TRMT11: variants seen among roughly 807,000 people sequenced by gnomAD.
The protein encoded by TRMT11 is tRNA methyltransferase 11, also known as tRNA (guanine(10)-N(2))-methyltransferase TRMT11.
In TRMT11, 53 loss-of-function variants were observed where a neutral mutation model predicts 62.8. That is an observed-to-expected ratio of 0.84 (90% CI 0.68 to 1.06). The LOEUF (loss-of-function observed/expected upper bound fraction) is 1.06, where lower values mean the gene tolerates loss of function less well. Ranked by LOEUF, TRMT11 falls within the 50% of genes least tolerant of loss-of-function variation. The pLI is 0.00. For synonymous variants in TRMT11, 188 were observed against 190.3 expected, an observed-to-expected ratio of 0.99 and a Z score of 0.10; for missense variants, 556 against 553.4, an observed-to-expected ratio of 1.00 and a Z score of -0.05.
At chr6:126,256,966 A>T in the TRMT11 span, among the ~76,000 whole-genome samples, 1 of 150,830 alleles carries the variant, frequency 6.6e-6, no homozygotes. Flanking sequence ...GTTCACTGCA[A>T]CCTCCACCTC....
chr6:126,096,997 G>A (rs1311910074), intron 17 of TRMT11, among the ~76,000 whole-genome samples: 2 of 152,114 alleles, frequency 1.3e-5, no homozygotes, highest in African/African-American at 4.8e-5. Context: ...TCAATGGCTG[G>A]AATCATTTGT....
chr6:126,270,896 T>C, the TRMT11 span, among the ~76,000 whole-genome samples: 1 of 152,254 alleles, frequency 6.6e-6, no homozygotes, highest in Admixed American at 6.5e-5. Flanking sequence ...AAGCACATCA[T>C]GTGTTCTTAC....
intron 1 of TRMT11, among the ~76,000 whole-genome samples, chr6:125,988,776 G>A (rs1420915604): frequency 6.6e-6 from 1 of 152,220 alleles, no homozygotes; most frequent in Non-Finnish European, 1.5e-5. Context: ...TCGTATATCT[G>A]TAATCATGCT....
chr6:126,199,189 A>C (rs1778707309), intron 2 of TRMT11, among the ~76,000 whole-genome samples: 1 of 152,202 alleles, frequency 6.6e-6, no homozygotes, highest in African/African-American at 2.4e-5. Flanking sequence ...CCAACAAAGG[A>C]CTTGAGGGAC....
chr6:126,047,947 T>G (rs1273946238), intron 16 of TRMT11, among the ~76,000 whole-genome samples: 2 of 152,198 alleles, frequency 1.3e-5, no homozygotes, highest in East Asian at 3.9e-4. Flanking sequence ...CAACTAGCCT[T>G]GCTTGTCATA....
chr6:126,125,912 C>T (rs892167999), intron 21 of TRMT11, among the ~76,000 whole-genome samples: 11 of 152,050 alleles, frequency 7.2e-5, no homozygotes, highest in Admixed American at 3.3e-4. Context: ...CTTCTTTCTC[C>T]GAAACACACA....
At chr6:126,151,777 CCCTTTTCCTTCCTT>C (rs1254001195) in intron 21 of TRMT11, among the ~76,000 whole-genome samples, 1 of 118,234 alleles carries the variant, frequency 8.5e-6, no homozygotes, top group Non-Finnish European at 1.7e-5. Context: ...CTTCCTTTCA[CCCTTTTCCTTCCTT>C]CCTTCCTCTC....
chr6:126,128,672 A>G (rs1023215437), intron 21 of TRMT11, among the ~76,000 whole-genome samples: 3 of 152,082 alleles, frequency 2.0e-5, no homozygotes, highest in Non-Finnish European at 4.4e-5. Flanking sequence ...GTGATTCTCA[A>G]TAGACGTTTG....
chr6:126,012,237 C>A (rs1456098028), intron 9 of TRMT11, among the ~76,000 whole-genome samples: 1 of 152,086 alleles, frequency 6.6e-6, no homozygotes, highest in Admixed American at 6.5e-5. Context: ...TGCTCTCCCA[C>A]TCTGTGTTTA....
At chr6:126,244,917 C>G in the TRMT11 span, among the ~76,000 whole-genome samples, 1 of 152,142 alleles carries the variant, frequency 6.6e-6, no homozygotes, top group Admixed American at 6.6e-5. Flanking sequence ...CTTTTTATGA[C>G]TTCTCAAAAA....
At chr6:126,152,517 G>A (rs1158770450) in intron 21 of TRMT11, among the ~76,000 whole-genome samples, 2 of 152,146 alleles carry the variant, frequency 1.3e-5, no homozygotes, top group Non-Finnish European at 2.9e-5. Flanking sequence ...AATTGCAGAT[G>A]ATCATTACTA....
In TRMT11 at chr6:126,196,790, C is replaced by A. The variant is rs1050447931; in HGVS notation, n.144-2009C>A. On this transcript the variant is annotated intron_variant and non_coding_transcript_variant, in intron 1 of 3. Coordinates refer to the TRMT11 transcript ENST00000444229. The stretch of plus-strand genomic sequence containing the variant: ...ACCTTTTAAGTTTCATTTAAAAATT[C>A]ATGACAATGGGCATAAAACTGTAAT... 1.8e-4 allele frequency among the ~76,000 whole-genome samples: 28 copies of A among 152,108 alleles called. 1 individual carries two copies. The East Asian group carries it at 1.9e-3, about 10-fold the overall frequency.
intron 21 of TRMT11, among the ~76,000 whole-genome samples, chr6:126,166,940 C>T (rs1280931584): frequency 6.6e-6 from 1 of 152,130 alleles, no homozygotes; most frequent in African/African-American, 2.4e-5. Flanking sequence ...ACTCAAGCCT[C>T]AATAATGACC....
In TRMT11 at chr6:126,151,905, CTCTT is replaced by C. The variant is rs66890632; in HGVS notation, c.*1824-22882_*1824-22879del. Among the ~76,000 whole-genome samples the C allele has an allele frequency of 5.3e-3, 428 of 80,426 alleles. 20 individuals are homozygous for C. Among genetic ancestry groups the C allele is most frequent in the South Asian group, 0.044 (76 of 1,712 alleles). The allele number at this position is 80,426 out of a possible 152,430, so 52.8% of individuals were successfully genotyped here. ...CCTTCCTTGTCTTTTTCTTTCTTTT[CTCTT>C]TCTTTCTTTCTTTCTTTCTTTCTTT... On this transcript the variant is annotated intron_variant and NMD_transcript_variant, in intron 21 of 22. Coordinates refer to the TRMT11 transcript ENST00000648977.
At chr6:126,053,952 G>A (rs530286686) in intron 17 of TRMT11, among the ~76,000 whole-genome samples, 11 of 152,150 alleles carry the variant, frequency 7.2e-5, no homozygotes, top group Non-Finnish European at 1.0e-4. Context: ...CACTGGAAAA[G>A]CATATTTGGG....
At chr6:126,250,859 T>G in the TRMT11 span, among the ~76,000 whole-genome samples, 1 of 152,196 alleles carries the variant, frequency 6.6e-6, no homozygotes, top group Non-Finnish European at 1.5e-5. Flanking sequence ...TTAGCCGTTA[T>G]GACAAATATG....
rs556736072 is a variant in TRMT11, at chr6:126,017,354, T to C, written c.1140-3806T>C. Among the ~76,000 whole-genome samples, 37 of 152,342 alleles carry C rather than the reference T, an allele frequency of 2.4e-4. 1 individual carries two copies. In the South Asian group the frequency reaches 6.8e-3, roughly 28 times the overall value. Reference sequence around the variant, plus strand: ...AGTATAAGACATAAAAGCAAAATACTGCGTAAAAGCTTAGTTGTATATGGA... The same window carrying C: ...AGTATAAGACATAAAAGCAAAATACCGCGTAAAAGCTTAGTTGTATATGGA... On this transcript the variant is annotated intron_variant, in intron 11 of 12. Coordinates refer to ENST00000334379, the MANE Select transcript of TRMT11 (RefSeq NM_001031712.3).
At chr6:126,143,567 A>G (rs1441708768) in intron 21 of TRMT11, among the ~76,000 whole-genome samples, 1 of 152,144 alleles carries the variant, frequency 6.6e-6, no homozygotes, top group Non-Finnish European at 1.5e-5. Context: ...TGTCTCTGTT[A>G]TTGTCATTTA....
chr6:126,067,394 T>G (rs936719499), intron 17 of TRMT11, among the ~76,000 whole-genome samples: 4 of 152,192 alleles, frequency 2.6e-5, no homozygotes, highest in African/African-American at 4.8e-5. Context: ...TAGATAATCC[T>G]TCATTGCTTA....
Sources: allele counts gnomAD v4.1 joint callset (sites outside exome capture counted in the v4.1 genomes callset), GRCh38; gene constraint gnomAD v4.1.1; transcripts MANE v1.5; gene names NCBI Gene and HGNC (gene_info 2026-07-23, HGNC 2026-07-21).